The following CACNG5 variants were observed in gnomAD, a reference collection of about 807,000 sequenced individuals.
The protein encoded by CACNG5 is voltage-dependent calcium channel gamma-5 subunit.
In CACNG5, 18 loss-of-function variants were observed where a neutral mutation model predicts 24.8. The ratio of observed to expected loss-of-function variants is 0.73; its 90% CI spans 0.50 to 1.08. CACNG5 has a LOEUF of 1.08. Among genes scored for constraint, CACNG5 ranks in the 50% least tolerant of loss-of-function variants. The probability of loss-of-function intolerance (pLI) is 0.00; values close to 1 mark genes in which losing one functional copy is unlikely to be tolerated. For missense variants in CACNG5, 349 were observed against 367.9 expected (o/e 0.95, Z 0.42); for synonymous variants, 157 against 149.1 (o/e 1.05, Z -0.39).
chr17:66,862,070 G>A (rs544788782), intron 1 of CACNG5, among the ~76,000 whole-genome samples: 6 of 152,284 alleles, frequency 3.9e-5, no homozygotes, highest in Admixed American at 3.3e-4. Context: ...CCCTATGGCC[G>A]AGTTGTGACT....
intron 1 of CACNG5, among the ~76,000 whole-genome samples, chr17:66,875,982 T>G (rs1023858652): frequency 6.6e-6 from 1 of 152,208 alleles, no homozygotes; most frequent in African/African-American, 2.4e-5. Flanking sequence ...TAGCAGTTGC[T>G]ACATTACAAT....
intron 1 of CACNG5, among the ~76,000 whole-genome samples, chr17:66,873,936 G>GT (rs4021785): frequency 1.5e-3 from 223 of 144,546 alleles, no homozygotes; most frequent in East Asian, 2.2e-3. Flanking sequence ...CTCACAAGCT[G>GT]TTTTTTTTTT....
At chr17:66,873,936 GT>G (rs4021785) in intron 1 of CACNG5, among the ~76,000 whole-genome samples, 17,440 of 144,244 alleles carry the variant, frequency 0.12, 1,002 homozygotes, top group East Asian at 0.17. Flanking sequence ...CTCACAAGCT[GT>G]TTTTTTTTTT....
At chr17:66,871,307 A>C (rs2143098332) in intron 1 of CACNG5, among the ~76,000 whole-genome samples, 1 of 152,194 alleles carries the variant, frequency 6.6e-6, no homozygotes, top group African/African-American at 2.4e-5. Flanking sequence ...AAACCCCTAC[A>C]CCATGAACCT....
intron 1 of CACNG5, among the ~76,000 whole-genome samples, chr17:66,839,498 G>T (rs960004861): frequency 3.9e-5 from 6 of 152,042 alleles, no homozygotes; most frequent in Non-Finnish European, 8.8e-5. Flanking sequence ...CAGGGTCAGG[G>T]TTTAGAGAGC....
intron 1 of CACNG5, among the ~76,000 whole-genome samples, chr17:66,870,188 A>G (rs1447599322): frequency 6.6e-6 from 1 of 152,174 alleles, no homozygotes; most frequent in African/African-American, 2.4e-5. Flanking sequence ...GTGCTCAACT[A>G]GGCAGTTTTT....
chr17:66,848,513 C>A (rs1976667589), intron 1 of CACNG5, among the ~76,000 whole-genome samples: 1 of 152,242 alleles, frequency 6.6e-6, no homozygotes, highest in Non-Finnish European at 1.5e-5. Flanking sequence ...TGAAACAACA[C>A]TGGGACTATC....
intron 2 of CACNG5, among the ~76,000 whole-genome samples, chr17:66,878,537 T>C (rs1977115539): frequency 6.6e-6 from 1 of 152,236 alleles, no homozygotes; most frequent in East Asian, 1.9e-4. Context: ...ATCTGGAGTT[T>C]GAAGTCACTA....
intron 1 of CACNG5, among the ~76,000 whole-genome samples, chr17:66,854,862 A>T (rs1206831513): frequency 6.6e-6 from 1 of 152,224 alleles, no homozygotes; most frequent in Non-Finnish European, 1.5e-5. Flanking sequence ...AGACATGAAC[A>T]GGCATTTCAC....
At chr17:66,864,334 TC>T (rs1976901227) in intron 1 of CACNG5, among the ~76,000 whole-genome samples, 1 of 152,180 alleles carries the variant, frequency 6.6e-6, no homozygotes, top group Admixed American at 6.5e-5. Flanking sequence ...CAATGTTGAG[TC>T]CATAGCATCA....
chr17:66,885,371 C>A lies in CACNG5; in HGVS notation c.*131C>A. ...CCATGCTTAGCTGTTGTCACTTGAC[C>A]CCAGTCCTCTCCCTGCTTCTCCAGA... On this transcript the variant is annotated 3_prime_UTR_variant, in exon 6 of 6. Coordinates refer to ENST00000533854, the MANE Select transcript of CACNG5 (RefSeq NM_145811.3). The A allele has an allele frequency of 8.9e-7, 1 of 1,121,466 alleles. No homozygotes were observed. The highest frequency in any genetic ancestry group is 2.5e-5 in the East Asian group (1 of 40,678). 69.5% of individuals were successfully genotyped at this position (1,121,466 alleles called of 1,614,324 possible).
At chr17:66,884,957 C>G in intron 5 of CACNG5, 26 bp from the exon 6 acceptor site, 1 of 1,614,118 alleles carries the variant, frequency 6.2e-7, no homozygotes, top group Non-Finnish European at 8.5e-7. Flanking sequence ...GCAGCGAGCC[C>G]ATCCTCTGCT....
In CACNG5 at chr17:66,885,269, G is replaced by C. The variant is rs1317215665; in HGVS notation, c.*29G>C. 1.3e-6 allele frequency: 2 copies of C among 1,541,958 alleles called. No individual in the cohort carries two copies. Among genetic ancestry groups the C allele is most frequent in the South Asian group, 2.5e-5 (2 of 80,826 alleles). ...TCGGCCGCCCCCATCCCTGGACTGT[G>C]GGTGGCCAGACAACCCTTCCTGTTC... On this transcript the variant is annotated 3_prime_UTR_variant, in exon 6 of 6. Transcript: ENST00000533854.
At position 66,888,632 on chromosome 17, in the gene CACNG5, G is replaced by C. The variant is rs1977298163; in HGVS notation, c.*3392G>C. ...TAGTCAAAGACAGGTTTATTTTGGAGAATAAACCTGAGAGGGGCTTCTGGA... is the reference window on the plus strand; with the variant it reads ...TAGTCAAAGACAGGTTTATTTTGGACAATAAACCTGAGAGGGGCTTCTGGA... On this transcript the variant is annotated 3_prime_UTR_variant, in exon 6 of 6. Coordinates refer to ENST00000533854, the MANE Select transcript of CACNG5 (RefSeq NM_145811.3). 6.6e-6 allele frequency among the ~76,000 whole-genome samples: 1 copy of C among 151,090 alleles called. No homozygotes were observed. Among genetic ancestry groups the C allele is most frequent in the South Asian group, 2.1e-4 (1 of 4,754 alleles).
intron 2 of CACNG5, among the ~76,000 whole-genome samples, chr17:66,878,401 G>A (rs1362694842): frequency 1.3e-5 from 2 of 152,236 alleles, no homozygotes; most frequent in Admixed American, 1.3e-4. Context: ...TTGGGGGATG[G>A]AGTGGGTATT....
rs146325891 is a variant in CACNG5, at chr17:66,870,537, A to C, written c.-103-6693A>C. Among the ~76,000 whole-genome samples the C allele has an allele frequency of 3.3e-5, 5 of 152,322 alleles. No homozygotes were observed. In the East Asian group the frequency reaches 5.8e-4, roughly 18 times the overall value. On this transcript the variant is annotated intron_variant, in intron 1 of 5. Coordinates refer to ENST00000533854, the MANE Select transcript of CACNG5 (RefSeq NM_145811.3). ...CAGCAACAAAGAAATATTCAGCCAC[A>C]AATGTCCATAGGGCCGAGGTGGAGA...
intron 1 of CACNG5, among the ~76,000 whole-genome samples, chr17:66,862,892 C>CTCTGTGTGTGTGTGTGTGTG (rs567913804): frequency 7.0e-6 from 1 of 142,172 alleles, no homozygotes; most frequent in African/African-American, 2.7e-5. Context: ...AGCATATTCT[C>CTCTGTGTGTGTGTGTGTGTG]TGTGTGTGTG....
chr17:66,847,069 G>C (rs548363648), intron 1 of CACNG5, among the ~76,000 whole-genome samples: 2 of 152,368 alleles, frequency 1.3e-5, no homozygotes, highest in Admixed American at 1.3e-4. Context: ...CTCAGGGACT[G>C]TGCACACTTA....
chr17:66,886,511 C>G lies in CACNG5; in HGVS notation c.*1271C>G, dbSNP rs545513923. Among the ~76,000 whole-genome samples, 2 of 152,222 alleles carry G rather than the reference C, an allele frequency of 1.3e-5. No individual in the cohort carries two copies. Among genetic ancestry groups the G allele is most frequent in the Non-Finnish European group, 2.9e-5 (2 of 68,040 alleles). ...CAGAAGCCACTGCAAGCCATGCCCC[C>G]CTTCAGCTCTCCAAGTGTCAGCTTA... On this transcript the variant is annotated 3_prime_UTR_variant, in exon 6 of 6. Coordinates refer to ENST00000533854, the MANE Select transcript of CACNG5 (RefSeq NM_145811.3).
Sources: gnomAD v4.1 joint callset for allele counts (sites outside exome capture counted in the v4.1 genomes callset) on GRCh38, gnomAD v4.1.1 for gene constraint, MANE v1.5 for transcripts, NCBI Gene and HGNC (gene_info 2026-07-23, HGNC 2026-07-21) for gene names.